Variants in COMMD1 observed in about 807,000 individuals in gnomAD.
The protein encoded by COMMD1 is COMM domain-containing protein 1.
A neutral mutation model predicts 17.2 loss-of-function variants in COMMD1; 10 were observed. That is an observed-to-expected ratio of 0.58 (90% CI 0.36 to 0.99). The LOEUF is 0.99. COMMD1 is among the 50% of genes least tolerant of loss of function. The pLI is 0.01. For missense variants in COMMD1, 270 were observed against 231.8 expected (o/e 1.17, Z -1.07); for synonymous variants, 97 against 91.6 (o/e 1.06, Z -0.34).
At chr2:61,997,292 G>C (rs1355477962) in intron 1 of COMMD1, among the ~76,000 whole-genome samples, 1 of 151,426 alleles carries the variant, frequency 6.6e-6, no homozygotes, top group Non-Finnish European at 1.5e-5. Flanking sequence ...GAACTCCCAG[G>C]CTCAAGCAAT....
intron 1 of COMMD1, among the ~76,000 whole-genome samples, chr2:61,936,580 AC>A (rs1670612521): frequency 1.3e-5 from 2 of 152,184 alleles, no homozygotes; most frequent in South Asian, 4.1e-4. Context: ...GAGTGCATTG[AC>A]AAATTTCTAG....
chr2:61,970,036 C>T (rs778879584), intron 1 of COMMD1, among the ~76,000 whole-genome samples: 2 of 152,024 alleles, frequency 1.3e-5, no homozygotes, highest in African/African-American at 2.4e-5. Context: ...GTAGGTGGAT[C>T]ACCTGAGGTC....
At chr2:62,085,730 A>G (rs1671645259) in intron 2 of COMMD1, among the ~76,000 whole-genome samples, 2 of 151,272 alleles carry the variant, frequency 1.3e-5, no homozygotes, top group Admixed American at 1.3e-4. Context: ...CTGTAATCCC[A>G]GCACTTTGGG....
chr2:62,131,438 T>C (rs1304205390), intron 2 of COMMD1, among the ~76,000 whole-genome samples: 2 of 152,234 alleles, frequency 1.3e-5, no homozygotes, highest in Non-Finnish European at 2.9e-5. Flanking sequence ...CAGTAACAAG[T>C]GTTTCAGATT....
chr2:62,103,497 G>A (rs1261562657), intron 2 of COMMD1, among the ~76,000 whole-genome samples: 1 of 152,198 alleles, frequency 6.6e-6, no homozygotes, highest in African/African-American at 2.4e-5. Context: ...CCTACAGTAT[G>A]TACATCTCTT....
chr2:61,894,739 G>C (rs192539307), intron 1 of COMMD1, among the ~76,000 whole-genome samples: 4 of 149,990 alleles, frequency 2.7e-5, no homozygotes, highest in Admixed American at 6.7e-5. Flanking sequence ...TCACTCTGTA[G>C]CCCAGGCTGG....
intron 1 of COMMD1, among the ~76,000 whole-genome samples, chr2:61,894,575 A>C (rs1260819238): frequency 6.6e-6 from 1 of 152,066 alleles, no homozygotes; most frequent in Non-Finnish European, 1.5e-5. Context: ...AAACGTTTCA[A>C]GGAAAATTAA....
intron 1 of COMMD1, among the ~76,000 whole-genome samples, chr2:61,999,394 T>G (rs1384789850): frequency 6.6e-6 from 1 of 152,196 alleles, no homozygotes; most frequent in Non-Finnish European, 1.5e-5. Flanking sequence ...CACAGTAGTA[T>G]TATTGTGAAT....
intron 1 of COMMD1, among the ~76,000 whole-genome samples, chr2:61,936,236 T>A (rs916469117): frequency 3.9e-5 from 6 of 152,178 alleles, no homozygotes; most frequent in African/African-American, 9.7e-5. Flanking sequence ...GTGGTATGAT[T>A]TCAAAGTTAT....
intron 1 of COMMD1, among the ~76,000 whole-genome samples, chr2:61,945,243 G>GA (rs1227960269): frequency 4.6e-5 from 7 of 152,194 alleles, no homozygotes; most frequent in African/African-American, 1.4e-4. Flanking sequence ...CTACAAGCAG[G>GA]AAAAAACTCA....
At chr2:61,940,835 T>C (rs1670726096) in intron 1 of COMMD1, among the ~76,000 whole-genome samples, 1 of 151,476 alleles carries the variant, frequency 6.6e-6, no homozygotes, top group Non-Finnish European at 1.5e-5. Context: ...TACAGGCGCC[T>C]GCCACCATGC....
chr2:61,933,704 C>T (rs1243175059), intron 1 of COMMD1, among the ~76,000 whole-genome samples: 4 of 152,238 alleles, frequency 2.6e-5, no homozygotes, highest in East Asian at 3.9e-4. Flanking sequence ...AATACCCAGT[C>T]TCAGGTATTC....
intron 2 of COMMD1, among the ~76,000 whole-genome samples, chr2:62,116,949 C>G (rs1301909117): frequency 6.7e-6 from 1 of 149,868 alleles, no homozygotes; most frequent in East Asian, 2.0e-4. Context: ...GAGCCGAGAT[C>G]GCACCATTGC....
intron 1 of COMMD1, among the ~76,000 whole-genome samples, chr2:61,973,199 C>T (rs1425394511): frequency 6.6e-6 from 1 of 152,112 alleles, no homozygotes; most frequent in Non-Finnish European, 1.5e-5. Context: ...CTGTTATCAA[C>T]ATTGCTGCAA....
Position 62,071,390 on chromosome 2 carries a change from C to A in COMMD1, c.463-64441C>A, listed in dbSNP as rs796418305. Among the ~76,000 whole-genome samples, 13 of 152,314 alleles carry A rather than the reference C, an allele frequency of 8.5e-5. 1 individual carries two copies. The highest frequency in any genetic ancestry group is 3.1e-4 in the African/African-American group (13 of 41,568). ...ATTTGTCTGGCTTTTTCACCACATG[C>A]TGTTTTGTCAGCAAGGTCTTTACGA... is the stretch of plus-strand genomic sequence containing the variant. On this transcript the variant is annotated intron_variant, in intron 2 of 2. Coordinates refer to ENST00000311832, the MANE Select transcript of COMMD1 (RefSeq NM_152516.4).
At chr2:62,028,917 T>G (rs866658617) in intron 2 of COMMD1, among the ~76,000 whole-genome samples, 1 of 152,166 alleles carries the variant, frequency 6.6e-6, no homozygotes, top group Middle Eastern at 3.2e-3. Context: ...ATCTAAATGG[T>G]CTTTCTTACT....
At chr2:62,131,391 T>C (rs969878584) in intron 2 of COMMD1, among the ~76,000 whole-genome samples, 1 of 152,218 alleles carries the variant, frequency 6.6e-6, no homozygotes, top group African/African-American at 2.4e-5. Flanking sequence ...TCATCTCTTA[T>C]TTTTATCACC....
chr2:62,035,568 C>G (rs1670015443), intron 2 of COMMD1, among the ~76,000 whole-genome samples: 2 of 151,636 alleles, frequency 1.3e-5, no homozygotes, highest in Non-Finnish European at 2.9e-5. Context: ...TGGTGTAACA[C>G]TCTCTACAAA....
chr2:61,906,219 G>A (rs984284525), intron 1 of COMMD1, among the ~76,000 whole-genome samples: 1 of 152,206 alleles, frequency 6.6e-6, no homozygotes, highest in Admixed American at 6.5e-5. Flanking sequence ...CCCGGTTGTG[G>A]AAGTTGGGAG....
Sources: allele counts gnomAD v4.1 joint callset (sites outside exome capture counted in the v4.1 genomes callset), GRCh38; gene constraint gnomAD v4.1.1; transcripts MANE v1.5; gene names NCBI Gene and HGNC (gene_info 2026-07-23, HGNC 2026-07-21).